Variants in TAFA4 observed in about 807,000 individuals in gnomAD.
The protein encoded by TAFA4 is TAFA chemokine like family member 4.
In TAFA4, 20 loss-of-function variants were observed where a neutral mutation model predicts 21.1. That is an observed-to-expected ratio of 0.95 (90% CI 0.67 to 1.38). The LOEUF (loss-of-function observed/expected upper bound fraction) is 1.38. Ranked by LOEUF, TAFA4 falls within the 40% of genes most tolerant of loss-of-function variation. The probability of loss-of-function intolerance (pLI) is 0.00; values close to 1 mark genes in which losing one functional copy is unlikely to be tolerated. For missense variants in TAFA4, 211 were observed against 180.9 expected, an observed-to-expected ratio of 1.17 and a Z score of -0.95; for synonymous variants, 71 against 67.4, an observed-to-expected ratio of 1.05 and a Z score of -0.26.
intron 3 of TAFA4, among the ~76,000 whole-genome samples, chr3:68,863,167 G>A (rs369145372): frequency 1.3e-5 from 2 of 151,758 alleles, no homozygotes; most frequent in Non-Finnish European, 2.9e-5. Flanking sequence ...ACTTGAGCCC[G>A]GGAAGGTGGG....
chr3:68,849,902 G>T (rs1704903650), intron 3 of TAFA4, among the ~76,000 whole-genome samples: 1 of 152,068 alleles, frequency 6.6e-6, no homozygotes, highest in African/African-American at 2.4e-5. Context: ...GTCCTTCGAA[G>T]GATTTTTTTT....
intron 3 of TAFA4, among the ~76,000 whole-genome samples, chr3:68,753,663 T>G (rs563640245): frequency 6.6e-6 from 1 of 152,188 alleles, no homozygotes; most frequent in Admixed American, 6.5e-5. Context: ...AGAGGCAGTG[T>G]AGCCTGGATT....
At position 68,740,980 on chromosome 3, in the gene TAFA4, G is replaced by A. The variant is rs574841325; in HGVS notation, c.287-1781C>T. ...AAATGAATGGATTTATTTCTGAGTT[G>A]TCTATTCTGTTCCATGGGTCTACAT... On this transcript the variant is annotated intron_variant, in intron 4 of 5. Coordinates refer to ENST00000295569, the MANE Select transcript of TAFA4 (RefSeq NM_182522.5). Among the ~76,000 whole-genome samples, 75 of 152,264 alleles carry A rather than the reference G, an allele frequency of 4.9e-4. No homozygotes were observed. In the Middle Eastern group the frequency reaches 0.014, roughly 28 times the overall value.
intron 5 of TAFA4, among the ~76,000 whole-genome samples, chr3:68,738,499 G>C (rs1259385592): frequency 6.6e-6 from 1 of 152,212 alleles, no homozygotes; most frequent in Non-Finnish European, 1.5e-5. Flanking sequence ...AGTAAGCACA[G>C]TGTTGAAGAA....
intron 3 of TAFA4, among the ~76,000 whole-genome samples, chr3:68,806,901 T>C (rs934539620): frequency 3.9e-5 from 6 of 152,208 alleles, no homozygotes; most frequent in Non-Finnish European, 8.8e-5. Context: ...ACTCGGTATA[T>C]GGTATTCTGT....
chr3:68,778,140 G>A (rs1428556036), intron 3 of TAFA4, among the ~76,000 whole-genome samples: 2 of 152,140 alleles, frequency 1.3e-5, no homozygotes, highest in Non-Finnish European at 2.9e-5. Context: ...ACTATTTGCT[G>A]TCTATAAGAA....
chr3:68,803,797 C>CTTTGTTTTTTT (rs1703626546), intron 3 of TAFA4, among the ~76,000 whole-genome samples: 1 of 81,594 alleles, frequency 1.2e-5, no homozygotes, highest in Admixed American at 1.8e-4. Context: ...ATCTCTGATT[C>CTTTGTTTTTTT]TTTTTTTTTT....
chr3:68,895,287 C>T (rs1453748535), intron 1 of TAFA4, among the ~76,000 whole-genome samples: 1 of 152,134 alleles, frequency 6.6e-6, no homozygotes, highest in African/African-American at 2.4e-5. Flanking sequence ...CGTCAGCCAC[C>T]GCGCCCAGCC....
chr3:68,903,422 C>T (rs770706563), intron 1 of TAFA4, among the ~76,000 whole-genome samples: 27 of 152,168 alleles, frequency 1.8e-4, no homozygotes, highest in Admixed American at 4.6e-4. Flanking sequence ...AAATAGAAAT[C>T]ATAGGTACTT....
At position 68,920,548 on chromosome 3, in the gene TAFA4, C is replaced by T. The variant is rs144413328; in HGVS notation, c.-123+11692G>A. 1.8e-3 allele frequency among the ~76,000 whole-genome samples: 276 copies of T among 151,594 alleles called. 1 individual carries two copies. Among genetic ancestry groups the T allele is most frequent in the African/African-American group, 6.3e-3 (261 of 41,230 alleles). ...ATGTATACTAAATATTTTAAATATG[C>T]GCAGAAGCCCAAACTCTTCATAGTA... On this transcript the variant is annotated intron_variant, in intron 1 of 5. Coordinates refer to ENST00000295569, the MANE Select transcript of TAFA4 (RefSeq NM_182522.5).
intron 3 of TAFA4, among the ~76,000 whole-genome samples, chr3:68,805,797 G>A (rs1575616051): frequency 6.6e-6 from 1 of 151,702 alleles, no homozygotes; most frequent in Non-Finnish European, 1.5e-5. Flanking sequence ...ACACTCTGGG[G>A]ACTGTTGTGG....
intron 3 of TAFA4, among the ~76,000 whole-genome samples, chr3:68,754,146 G>A (rs1702614870): frequency 6.6e-6 from 1 of 152,108 alleles, no homozygotes; most frequent in Admixed American, 6.5e-5. Context: ...ACTTCACTGT[G>A]TATTTTCTAA....
rs372229509 is a variant in TAFA4, at chr3:68,821,097, G to C, written c.130+59633C>G. On this transcript the variant is annotated intron_variant, in intron 3 of 5. Coordinates refer to ENST00000295569, the MANE Select transcript of TAFA4 (RefSeq NM_182522.5). ...TGTGTTTTAACAGCCAATACTCCCA[G>C]GTTAAAATCTTTTACAAATTCTATA... 1.1e-3 allele frequency among the ~76,000 whole-genome samples: 164 copies of C among 152,174 alleles called. 2 individuals carry two copies. The South Asian group carries it at 0.023, about 21-fold the overall frequency.
At chr3:68,926,729 G>T (rs1054056310) in intron 1 of TAFA4, among the ~76,000 whole-genome samples, 2 of 151,978 alleles carry the variant, frequency 1.3e-5, no homozygotes, top group Non-Finnish European at 2.9e-5. Flanking sequence ...CCTGGCCAAC[G>T]TGGTGAAACC....
intron 3 of TAFA4, among the ~76,000 whole-genome samples, chr3:68,835,250 T>C (rs2106884832): frequency 6.6e-6 from 1 of 152,280 alleles, no homozygotes; most frequent in Admixed American, 6.5e-5. Flanking sequence ...CCTCAATTCC[T>C]TGACTCTGTG....
chr3:68,783,381 C>G (rs1044328574), intron 3 of TAFA4, among the ~76,000 whole-genome samples: 2 of 152,168 alleles, frequency 1.3e-5, no homozygotes, highest in African/African-American at 4.8e-5. Flanking sequence ...CAGACAGTCT[C>G]AGAACCAGAT....
In TAFA4 at chr3:68,919,462, T is replaced by G. The variant is rs540117820; in HGVS notation, c.-123+12778A>C. Among the ~76,000 whole-genome samples, 2 of 152,250 alleles carry G rather than the reference T, an allele frequency of 1.3e-5. 1 individual carries two copies. The highest frequency in any genetic ancestry group is 4.2e-4 in the South Asian group (2 of 4,818). On this transcript the variant is annotated intron_variant, in intron 1 of 5. Transcript: ENST00000295569. ...TCTCCATGAGTCACTCTCTAAAACT[T>G]TTTGGGACTGTAGTAAATTACAATG...
At chr3:68,811,728 G>C (rs1409846325) in intron 3 of TAFA4, among the ~76,000 whole-genome samples, 1 of 152,206 alleles carries the variant, frequency 6.6e-6, no homozygotes, top group Non-Finnish European at 1.5e-5. Flanking sequence ...GGGGAGAATG[G>C]AACCAAGTTG....
intron 3 of TAFA4, among the ~76,000 whole-genome samples, chr3:68,819,877 A>T: frequency 6.6e-6 from 1 of 152,212 alleles, no homozygotes; most frequent in Non-Finnish European, 1.5e-5. Context: ...ACAGTACGAC[A>T]TTCCTTTGAC....
Sources: allele counts gnomAD v4.1 joint callset (sites outside exome capture counted in the v4.1 genomes callset), GRCh38; gene constraint gnomAD v4.1.1; transcripts MANE v1.5; gene names NCBI Gene and HGNC (gene_info 2026-07-23, HGNC 2026-07-21).